Variants in SCLT1 observed in about 807,000 individuals in gnomAD.
The protein encoded by SCLT1 is sodium channel and clathrin linker 1.
Under a neutral mutation model 112.8 loss-of-function variants are expected in SCLT1, and 78 were observed. The ratio of observed to expected loss-of-function variants is 0.69; its 90% confidence interval spans 0.58 to 0.83. SCLT1 has a LOEUF of 0.83. Ranked by LOEUF, SCLT1 falls within the 40% of genes least tolerant of loss-of-function variation. SCLT1 has a pLI of 0.00. For missense variants in SCLT1, 747 were observed against 770.4 expected (o/e 0.97, Z 0.36); for synonymous variants, 257 against 254.7 (o/e 1.01, Z -0.09).
rs1316516745 is a variant in SCLT1, at chr4:128,999,803, A to G, written c.427-9T>C. On this transcript the variant is annotated splice_polypyrimidine_tract_variant and intron_variant, in intron 6 of 20. Transcript: ENST00000281142. ...ACAGCCTGAGTTTTTTCCTATTAAA[A>G]AAGTTTGATAACTCATTAAATTATC... is the stretch of plus-strand genomic sequence containing the variant. 6.3e-7 allele frequency: 1 copy of G among 1,588,140 alleles called. No homozygotes were observed. The highest frequency in any genetic ancestry group is 2.3e-5 in the East Asian group (1 of 44,252).
At chr4:128,974,422 T>C (rs1418257116) in intron 9 of SCLT1, among the ~76,000 whole-genome samples, 1 of 149,814 alleles carries the variant, frequency 6.7e-6, no homozygotes, top group Non-Finnish European at 1.5e-5. Context: ...CCAGAAAAAA[T>C]GACCCTGATG....
At chr4:128,915,876 C>T (rs933400873) in intron 18 of SCLT1, among the ~76,000 whole-genome samples, 1 of 152,046 alleles carries the variant, frequency 6.6e-6, no homozygotes, top group African/African-American at 2.4e-5. Flanking sequence ...TGTAATGAAA[C>T]AAGTATAAAA....
At position 128,975,961 on chromosome 4, in the gene SCLT1, C is replaced by T. The variant is rs144881024; in HGVS notation, c.687-5493G>A. Among the ~76,000 whole-genome samples the T allele has an allele frequency of 5.8e-3, 882 of 152,272 alleles. 7 individuals carry two copies. Among genetic ancestry groups the T allele is most frequent in the Middle Eastern group, 0.034 (10 of 294 alleles). On this transcript the variant is annotated intron_variant, in intron 9 of 20. Coordinates refer to ENST00000281142, the MANE Select transcript of SCLT1 (RefSeq NM_144643.4). ...AAAGCAGTGGATATTATAATCCATA[C>T]GCTGAGCTATCAAAACTTTCCAAAA...
intron 1 of SCLT1, among the ~76,000 whole-genome samples, chr4:129,087,840 C>A (rs888524054): frequency 6.6e-6 from 1 of 150,978 alleles, no homozygotes; most frequent in African/African-American, 2.4e-5. Flanking sequence ...GCCTATAATC[C>A]TAGCACTTTG....
chr4:128,965,210 T>G lies in SCLT1; in HGVS notation c.869+17A>C. On this transcript the variant is annotated intron_variant, in intron 11 of 20. Coordinates refer to ENST00000281142, the MANE Select transcript of SCLT1 (RefSeq NM_144643.4). The stretch of plus-strand genomic sequence containing the variant: ...TTTAAAGCATATCAACAAAGCTAGG[T>G]GCATTTAACAATTTACCTTATTTCT... 1 of 1,272,072 alleles carries G rather than the reference T, an allele frequency of 7.9e-7. No homozygotes were observed. The highest frequency in any genetic ancestry group is 1.1e-6 in the Non-Finnish European group (1 of 874,362). 78.8% of individuals were successfully genotyped at this position (1,272,072 alleles called of 1,614,324 possible). A position where few individuals can be genotyped will look rare whatever the true frequency, so the allele number is the denominator to read the frequency against.
chr4:129,012,261 A>G (rs1272777134), intron 5 of SCLT1, among the ~76,000 whole-genome samples: 1 of 152,086 alleles, frequency 6.6e-6, no homozygotes, highest in East Asian at 1.9e-4. Context: ...AAAGAACTTG[A>G]TTTCTGCCTT....
At chr4:128,905,763 T>C (rs1472543584) in intron 18 of SCLT1, among the ~76,000 whole-genome samples, 1 of 152,132 alleles carries the variant, frequency 6.6e-6, no homozygotes, top group African/African-American at 2.4e-5. Flanking sequence ...TAGTATAATT[T>C]CTTCTCATTT....
chr4:128,891,803 C>T (rs1415746379), intron 18 of SCLT1, among the ~76,000 whole-genome samples: 3 of 151,936 alleles, frequency 2.0e-5, no homozygotes, highest in African/African-American at 7.3e-5. Context: ...CACCACCACG[C>T]CTGGATAATT....
intron 17 of SCLT1, among the ~76,000 whole-genome samples, chr4:128,939,602 A>G (rs924179974): frequency 2.0e-5 from 3 of 152,188 alleles, no homozygotes; most frequent in African/African-American, 4.8e-5. Flanking sequence ...GAATTGCTGG[A>G]AACGACTCCA....
At chr4:129,019,378 T>C (rs1348895856) in intron 5 of SCLT1, among the ~76,000 whole-genome samples, 1 of 152,228 alleles carries the variant, frequency 6.6e-6, no homozygotes, top group African/African-American at 2.4e-5. Context: ...ACCATTCTTT[T>C]ACATACCATT....
intron 17 of SCLT1, among the ~76,000 whole-genome samples, chr4:128,939,366 G>A (rs1361165813): frequency 2.6e-5 from 4 of 152,064 alleles, no homozygotes; most frequent in Non-Finnish European, 4.4e-5. Flanking sequence ...ATTCAGTCTC[G>A]AACAAGCACC....
Position 128,943,062 on chromosome 4 carries a change from CTGTTTA to C in SCLT1, c.1560_1565del (p.Asn520_Gln522delinsLys). 1 of 1,613,292 alleles carries C rather than the reference CTGTTTA, an allele frequency of 6.2e-7. No individual in the cohort carries two copies. Among genetic ancestry groups the C allele is most frequent in the Non-Finnish European group, 8.5e-7 (1 of 1,179,504 alleles). On this transcript the variant is annotated inframe_deletion, in exon 17 of 21. Transcript: ENST00000281142. ...TTAAACTCTCAGTCTCTTTCCGTAA[CTGTTTA>C]TTTTCTTGCTGAAGTTTTAGCCTTT...
chr4:128,952,343 C>T (rs1169206019), intron 14 of SCLT1: 1 of 457,738 alleles, frequency 2.2e-6, no homozygotes, highest in Non-Finnish European at 4.4e-6. Flanking sequence ...CCAATCTCAC[C>T]TCTAGCCACA....
chr4:129,018,886 C>T (rs964594472), intron 5 of SCLT1, among the ~76,000 whole-genome samples: 8 of 151,908 alleles, frequency 5.3e-5, no homozygotes, highest in Non-Finnish European at 1.0e-4. Context: ...AACAGGTTGC[C>T]CAACCTTAGT....
downstream of SCLT1, among the ~76,000 whole-genome samples, chr4:128,882,550 A>G (rs185843950): frequency 5.3e-5 from 8 of 151,938 alleles, no homozygotes; most frequent in Admixed American, 2.6e-4. Flanking sequence ...GTTCTTAAAA[A>G]CTCAGTTTTT....
At chr4:128,879,984 TAA>T (rs1579269524), downstream of SCLT1, among the ~76,000 whole-genome samples, 1 of 152,170 alleles carries the variant, frequency 6.6e-6, no homozygotes, top group Non-Finnish European at 1.5e-5. Context: ...TCAAAGGAAT[TAA>T]AGAGTTTTAA....
chr4:128,960,007 T>C (rs1302361268), intron 11 of SCLT1, among the ~76,000 whole-genome samples: 1 of 152,216 alleles, frequency 6.6e-6, no homozygotes, highest in Non-Finnish European at 1.5e-5. Context: ...ATTAAGATCA[T>C]AGCGCTAATG....
At chr4:129,057,752 T>A (rs1749564972) in intron 2 of SCLT1, among the ~76,000 whole-genome samples, 1 of 146,556 alleles carries the variant, frequency 6.8e-6, no homozygotes, top group Non-Finnish European at 1.5e-5. Flanking sequence ...TGTATTTCTT[T>A]TTTTTTTCTT....
At chr4:128,908,405 AACAGTT>A (rs1232637249) in intron 18 of SCLT1, among the ~76,000 whole-genome samples, 1 of 151,870 alleles carries the variant, frequency 6.6e-6, no homozygotes, top group Non-Finnish European at 1.5e-5. Context: ...GAAAGAAAAA[AACAGTT>A]ACAGCAGCCA....
Sources: gnomAD v4.1 joint callset for allele counts (sites outside exome capture counted in the v4.1 genomes callset) on GRCh38, gnomAD v4.1.1 for gene constraint, MANE v1.5 for transcripts, NCBI Gene and HGNC (gene_info 2026-07-23, HGNC 2026-07-21) for gene names.